Variants in MALRD1 observed in about 807,000 individuals in gnomAD.
MALRD1 encodes the protein MAM and LDL receptor class A domain containing 1.
MALRD1 carries 247 observed loss-of-function variants against 242.1 expected under a neutral mutation model. The ratio of observed to expected loss-of-function variants is 1.02; its 90% confidence interval spans 0.92 to 1.13. The LOEUF is 1.13. Among genes scored for constraint, MALRD1 ranks in the 50% most tolerant of loss-of-function variants. MALRD1 has a pLI of 0.00. For missense variants in MALRD1, 2,989 were observed against 2,533.1 expected (o/e 1.18, Z -3.86); for synonymous variants, 995 against 866.6 (o/e 1.15, Z -2.60).
chr10:19,294,612 A>G (rs1841604436), intron 21 of MALRD1, among the ~76,000 whole-genome samples: 1 of 152,236 alleles, frequency 6.6e-6, no homozygotes, highest in Non-Finnish European at 1.5e-5. Context: ...AGAGTGGTCC[A>G]CTCAGGTAAC....
intron 10 of MALRD1, among the ~76,000 whole-genome samples, chr10:19,137,871 A>G (rs1031464759): frequency 3.3e-5 from 5 of 152,246 alleles, no homozygotes; most frequent in Non-Finnish European, 5.9e-5. Flanking sequence ...TTCCAAGGAT[A>G]TGAATCCAAT....
chr10:19,111,337 C>A (rs1836673156), intron 5 of MALRD1, among the ~76,000 whole-genome samples: 1 of 152,092 alleles, frequency 6.6e-6, no homozygotes, highest in Non-Finnish European at 1.5e-5. Flanking sequence ...TTCTAGACAT[C>A]ATTATAACCA....
chr10:19,530,437 T>TAAATATTATATA lies in MALRD1; in HGVS notation c.5321-755_5321-754insATATTATATAAA, dbSNP rs1834348057. On this transcript the variant is annotated intron_variant, in intron 31 of 39. Coordinates refer to ENST00000454679, the MANE Select transcript of MALRD1 (RefSeq NM_001142308.3). ...TATAATAATAAATATATAATATATA[T>TAAATATTATATA]AATATATAATATATAATATATAATA... is the stretch of plus-strand genomic sequence containing the variant. 7.6e-5 allele frequency among the ~76,000 whole-genome samples: 3 copies of TAAATATTATATA among 39,520 alleles called. No individual in the cohort carries two copies. The Admixed American group carries it at 1.3e-3, about 17-fold the overall frequency. 25.9% of individuals were successfully genotyped at this position (39,520 alleles called of 152,430 possible).
At chr10:19,350,325 C>T (rs553444685) in intron 25 of MALRD1, among the ~76,000 whole-genome samples, 1 of 136,306 alleles carries the variant, frequency 7.3e-6, no homozygotes, top group Non-Finnish European at 1.5e-5. Flanking sequence ...GGCTGGAGTG[C>T]AGTAGTGTGA....
intron 19 of MALRD1, among the ~76,000 whole-genome samples, chr10:19,260,040 T>A (rs1271793988): frequency 6.6e-6 from 1 of 152,158 alleles, no homozygotes; most frequent in Non-Finnish European, 1.5e-5. Flanking sequence ...AGTTGTTGGA[T>A]GGATAAGTAG....
chr10:19,079,944 AAAAATTG>A (rs1377342775), intron 2 of MALRD1, among the ~76,000 whole-genome samples: 5 of 152,078 alleles, frequency 3.3e-5, no homozygotes, highest in African/African-American at 1.2e-4. Flanking sequence ...ATCAGTGTGC[AAAAATTG>A]CTAGCACTCC....
At chr10:19,451,465 A>G (rs529623689) in intron 29 of MALRD1, among the ~76,000 whole-genome samples, 1 of 152,338 alleles carries the variant, frequency 6.6e-6, no homozygotes, top group South Asian at 2.1e-4. Flanking sequence ...ATACATTTGT[A>G]CAATTTCACA....
chr10:19,530,369 AT>A (rs543526649), intron 31 of MALRD1, among the ~76,000 whole-genome samples: 10,292 of 119,570 alleles, frequency 0.086, 1,743 homozygotes, highest in African/African-American at 0.29. Context: ...TTATATAAAT[AT>A]TTATATAAAT....
At chr10:19,250,413 A>T (rs921535732) in intron 18 of MALRD1, among the ~76,000 whole-genome samples, 6 of 151,950 alleles carry the variant, frequency 3.9e-5, no homozygotes, top group African/African-American at 1.4e-4. Flanking sequence ...CCTCATTCAC[A>T]TAATATATGA....
chr10:19,143,049 C>G lies in MALRD1; in HGVS notation c.1412-3149C>G, dbSNP rs185490892. On this transcript the variant is annotated intron_variant, in intron 10 of 39. Coordinates refer to ENST00000454679, the MANE Select transcript of MALRD1 (RefSeq NM_001142308.3). ...GTGGTTGCACCATGTCACCATGTTG[C>G]TTTCACACATCTTTATGGTGACGGA... 4.5e-4 allele frequency among the ~76,000 whole-genome samples: 69 copies of G among 152,306 alleles called. 1 individual carries two copies. In the South Asian group the frequency reaches 0.012, roughly 26 times the overall value.
intron 36 of MALRD1, among the ~76,000 whole-genome samples, chr10:19,673,943 G>A (rs2131772046): frequency 6.6e-6 from 1 of 152,148 alleles, no homozygotes; most frequent in Admixed American, 6.5e-5. Context: ...GTGCATGTGT[G>A]TGTGCATAAG....
In MALRD1 at chr10:19,268,708, G is replaced by A. The variant is rs552818384; in HGVS notation, c.3079+10937G>A. ...TATCAAGGACTAGAGATGTTAAAATGTTGGTTTTATTTGCTTAATTATCAA... is the reference window on the plus strand; with the variant it reads ...TATCAAGGACTAGAGATGTTAAAATATTGGTTTTATTTGCTTAATTATCAA... On this transcript the variant is annotated intron_variant, in intron 19 of 39. Coordinates refer to ENST00000454679, the MANE Select transcript of MALRD1 (RefSeq NM_001142308.3). Among the ~76,000 whole-genome samples, 117 of 152,248 alleles carry A rather than the reference G, an allele frequency of 7.7e-4. 1 individual carries two copies. The highest frequency in any genetic ancestry group is 2.6e-3 in the African/African-American group (108 of 41,556).
chr10:19,717,408 G>C (rs554628), intron 38 of MALRD1, among the ~76,000 whole-genome samples: 92,527 of 152,014 alleles, frequency 0.61, 28,878 homozygotes, highest in African/African-American at 0.75. Context: ...TGATGAAGAA[G>C]ACAGTGTATA....
intron 34 of MALRD1, among the ~76,000 whole-genome samples, chr10:19,601,796 A>G (rs1838354071): frequency 6.6e-6 from 1 of 152,058 alleles, no homozygotes; most frequent in African/African-American, 2.4e-5. Context: ...CCAATAGAGG[A>G]AGGGTTCAAA....
intron 4 of MALRD1, among the ~76,000 whole-genome samples, chr10:19,099,260 CT>C (rs963985290): frequency 6.6e-6 from 1 of 152,136 alleles, no homozygotes; most frequent in Non-Finnish European, 1.5e-5. Flanking sequence ...TATTGGGCTG[CT>C]TTTTGGTAGA....
intron 5 of MALRD1, among the ~76,000 whole-genome samples, chr10:19,123,031 C>T (rs1352612609): frequency 2.0e-5 from 3 of 152,120 alleles, no homozygotes; most frequent in Non-Finnish European, 2.9e-5. Flanking sequence ...CCACCATGGC[C>T]GGCCAACAGG....
At chr10:19,424,041 A>G (rs1292231574) in intron 28 of MALRD1, among the ~76,000 whole-genome samples, 2 of 152,366 alleles carry the variant, frequency 1.3e-5, no homozygotes, top group South Asian at 2.1e-4. Flanking sequence ...AACAGAAAAA[A>G]AGACTCAATT....
At chr10:19,201,879 G>A (rs1432495827) in intron 14 of MALRD1, among the ~76,000 whole-genome samples, 1 of 151,996 alleles carries the variant, frequency 6.6e-6, no homozygotes, top group African/African-American at 2.4e-5. Flanking sequence ...GCAGTGGCAG[G>A]ATCTCAGCTC....
At chr10:19,273,014 TAG>T (rs1360166478) in intron 19 of MALRD1, among the ~76,000 whole-genome samples, 1 of 152,148 alleles carries the variant, frequency 6.6e-6, no homozygotes, top group African/African-American at 2.4e-5. Flanking sequence ...ATCTTTATAG[TAG>T]AATAATTTAT....
Sources: allele counts gnomAD v4.1 joint callset (sites outside exome capture counted in the v4.1 genomes callset), GRCh38; gene constraint gnomAD v4.1.1; transcripts MANE v1.5; gene names NCBI Gene and HGNC (gene_info 2026-07-23, HGNC 2026-07-21).